The following GATAD2B variants were observed in gnomAD, a reference collection of about 807,000 sequenced individuals.
GATAD2B encodes GATA zinc finger domain containing 2B, also known as transcriptional repressor p66-beta.
Under a neutral mutation model 64.3 loss-of-function variants are expected in GATAD2B, and 8 were observed. The observed-to-expected ratio is 0.12, with a 90% CI of 0.07 to 0.22. The LOEUF is 0.22. GATAD2B is among the 10% of genes least tolerant of loss of function. The pLI, the probability that GATAD2B is intolerant of heterozygous loss-of-function variation, is 1.00. For missense variants in GATAD2B, 453 were observed against 752.0 expected (o/e 0.60, Z 4.65); for synonymous variants, 281 against 271.3 (o/e 1.04, Z -0.35).
chr1:153,869,155 G>C (rs1029333933), intron 1 of GATAD2B, among the ~76,000 whole-genome samples: 1 of 152,016 alleles, frequency 6.6e-6, no homozygotes, highest in Non-Finnish European at 1.5e-5. Context: ...AGCCAGGCAT[G>C]ATGGTGGGTG....
intron 1 of GATAD2B, among the ~76,000 whole-genome samples, chr1:153,909,770 T>C (rs1292249223): frequency 6.4e-5 from 9 of 140,246 alleles, no homozygotes; most frequent in Non-Finnish European, 1.2e-4. Flanking sequence ...AAACCCCACC[T>C]TTACTAAAAA....
intron 1 of GATAD2B, among the ~76,000 whole-genome samples, chr1:153,842,203 A>AT (rs1425113454): frequency 2.0e-5 from 3 of 152,062 alleles, no homozygotes. Context: ...TGTGGTTTCA[A>AT]TTTTCATTTC....
chr1:153,881,845 T>C (rs1042844535), intron 1 of GATAD2B, among the ~76,000 whole-genome samples: 6 of 151,988 alleles, frequency 3.9e-5, no homozygotes, highest in African/African-American at 1.5e-4. Flanking sequence ...TTCTCTGTTC[T>C]ATCGTCTCTT....
chr1:153,862,992 G>A (rs1489082944), intron 1 of GATAD2B, among the ~76,000 whole-genome samples: 1 of 151,876 alleles, frequency 6.6e-6, no homozygotes, highest in Non-Finnish European at 1.5e-5. Context: ...CCAAAGTGCT[G>A]GGATTATAGG....
intron 8 of GATAD2B, 84 bp downstream of exon 8, chr1:153,813,166 G>A (rs889841881): frequency 1.0e-6 from 1 of 992,190 alleles, no homozygotes; most frequent in African/African-American, 1.6e-5. Flanking sequence ...GGGATCACAT[G>A]AACCACTCCT....
At chr1:153,846,986 ACG>A (rs1675710077) in intron 1 of GATAD2B, among the ~76,000 whole-genome samples, 1 of 151,882 alleles carries the variant, frequency 6.6e-6, no homozygotes, top group Admixed American at 6.6e-5. Context: ...TTTTATTTTG[ACG>A]GAGTATTGCT....
chr1:153,850,750 G>A (rs918796474), intron 1 of GATAD2B, among the ~76,000 whole-genome samples: 3 of 151,836 alleles, frequency 2.0e-5, no homozygotes, highest in African/African-American at 7.3e-5. Context: ...GTGAAACTTC[G>A]TCTCTACTAA....
chr1:153,850,134 A>C (rs148855127), intron 1 of GATAD2B, among the ~76,000 whole-genome samples: 39 of 152,258 alleles, frequency 2.6e-4, no homozygotes, highest in African/African-American at 8.7e-4. Context: ...TGTGTGGCTT[A>C]AACTGTGGAT....
intron 2 of GATAD2B, among the ~76,000 whole-genome samples, chr1:153,825,898 C>T (rs998636195): frequency 4.6e-5 from 7 of 152,148 alleles, no homozygotes; most frequent in Admixed American, 4.6e-4. Flanking sequence ...AGAGATTCTG[C>T]TTTGGATGAG....
intron 1 of GATAD2B, among the ~76,000 whole-genome samples, chr1:153,889,413 CAAAAAAA>C (rs71093299): frequency 2.9e-5 from 2 of 67,906 alleles, no homozygotes; most frequent in East Asian, 3.9e-4. Flanking sequence ...ACCCCGTCTC[CAAAAAAA>C]AAAAAAAAAA....
chr1:153,881,461 AAGG>A (rs1677008037), intron 1 of GATAD2B, among the ~76,000 whole-genome samples: 2 of 152,314 alleles, frequency 1.3e-5, no homozygotes, highest in South Asian at 4.1e-4. Flanking sequence ...TCCAAACCGA[AAGG>A]AGCTTTGTAT....
rs1674106380 is a variant in GATAD2B, at chr1:153,806,131, T to C, written c.*4046A>G. 6.6e-6 allele frequency: 1 copy of C among 152,216 alleles called. No homozygotes were observed. The highest frequency in any genetic ancestry group is 1.5e-5 in the Non-Finnish European group (1 of 68,048). The allele number at this position is 152,216 out of a possible 1,614,324, so 9.4% of individuals were successfully genotyped here. On this transcript the variant is annotated 3_prime_UTR_variant, in exon 11 of 11. Coordinates refer to ENST00000368655, the MANE Select transcript of GATAD2B (RefSeq NM_020699.4). ...TTATATAGGTATATTGTATATATGC[T>C]GATGCAATCAGAGGAAAAAAACAGT...
intron 1 of GATAD2B, among the ~76,000 whole-genome samples, chr1:153,920,463 C>T (rs1296692764): frequency 1.3e-5 from 2 of 152,232 alleles, no homozygotes; most frequent in Non-Finnish European, 2.9e-5. Flanking sequence ...ATGCTAAGCA[C>T]AGCAGTAAAA....
Position 153,815,112 on chromosome 1 carries a change from A to AAAAAC in GATAD2B, c.1216+1160_1216+1161insGTTTT, listed in dbSNP as rs1674418574. Among the ~76,000 whole-genome samples the AAAAAC allele has an allele frequency of 3.7e-4, 42 of 112,590 alleles. 1 individual carries two copies. The highest frequency in any genetic ancestry group is 1.3e-3 in the African/African-American group (40 of 30,188). The allele number at this position is 112,590 out of a possible 152,430, so 73.9% of individuals were successfully genotyped here. A position where few individuals can be genotyped will look rare whatever the true frequency, so the allele number is the denominator to read the frequency against. ...AAAAAAAAAAAAAAAAAAAAAAAAAACCAACAAAGAAAAAAACTGGCATGG... is the reference window on the plus strand; with the variant it reads ...AAAAAAAAAAAAAAAAAAAAAAAAAAAAAACCCAACAAAGAAAAAAACTGGCATGG... On this transcript the variant is annotated intron_variant, in intron 7 of 10. Transcript: ENST00000368655.
At chr1:153,890,874 T>C (rs776779870) in intron 1 of GATAD2B, 1 of 152,122 alleles carries the variant, frequency 6.6e-6, no homozygotes, top group Non-Finnish European at 1.5e-5. Context: ...AAGTAAACCA[T>C]GCAAAGTTTT....
chr1:153,899,216 C>T (rs1047651671), intron 1 of GATAD2B, among the ~76,000 whole-genome samples: 7 of 152,124 alleles, frequency 4.6e-5, no homozygotes, highest in African/African-American at 1.2e-4. Context: ...CTGTGAATAG[C>T]CACTGCATTC....
intron 1 of GATAD2B, among the ~76,000 whole-genome samples, chr1:153,846,458 G>C (rs935759926): frequency 6.6e-6 from 1 of 151,610 alleles, no homozygotes; most frequent in African/African-American, 2.4e-5. Flanking sequence ...CGCTGGACTC[G>C]AACTCCTGGC....
chr1:153,824,758 GA>G (rs72042190), intron 2 of GATAD2B, among the ~76,000 whole-genome samples: 5 of 146,600 alleles, frequency 3.4e-5, no homozygotes, highest in Admixed American at 1.4e-4. Flanking sequence ...CTGAAAACAG[GA>G]AAAAAAAAAA....
At chr1:153,812,523 T>C (rs977371387) in intron 8 of GATAD2B, among the ~76,000 whole-genome samples, 42 of 152,202 alleles carry the variant, frequency 2.8e-4, no homozygotes, top group African/African-American at 1.0e-3. Context: ...TCTAAGAAGT[T>C]GGCTGGAGGT....
Sources: gnomAD v4.1 joint callset for allele counts (sites outside exome capture counted in the v4.1 genomes callset) on GRCh38, gnomAD v4.1.1 for gene constraint, MANE v1.5 for transcripts, NCBI Gene and HGNC (gene_info 2026-07-23, HGNC 2026-07-21) for gene names.